The following CELF2 variants were observed in gnomAD, a reference collection of about 807,000 sequenced individuals.
CELF2 encodes the protein CUGBP Elav-like family member 2, also known as CUG triplet repeat RNA-binding protein 2.
Under a neutral mutation model 62.6 loss-of-function variants are expected in CELF2, and 8 were observed. The ratio of observed to expected loss-of-function variants is 0.13; its 90% confidence interval spans 0.07 to 0.23. The LOEUF (loss-of-function observed/expected upper bound fraction) is 0.23. Among genes scored for constraint, CELF2 ranks in the 10% least tolerant of loss-of-function variants. The pLI, the probability that CELF2 is intolerant of heterozygous loss-of-function variation, is 1.00. For synonymous variants in CELF2, 258 were observed against 250.0 expected (o/e 1.03, Z -0.30); for missense variants, 333 against 671.0 (o/e 0.50, Z 5.56).
the CELF2 span, among the ~76,000 whole-genome samples, chr10:10,657,063 A>T: frequency 6.6e-6 from 1 of 152,186 alleles, no homozygotes; most frequent in African/African-American, 2.4e-5. Context: ...TTGTATATTC[A>T]TATGGCAGAA....
At chr10:10,611,187 C>G in the CELF2 span, among the ~76,000 whole-genome samples, 1 of 152,072 alleles carries the variant, frequency 6.6e-6, no homozygotes, top group African/African-American at 2.4e-5. Context: ...GCGGCCAGAA[C>G]CAAGCTGGCA....
At position 11,165,281 on chromosome 10, in the gene CELF2, C is replaced by T; in HGVS notation, c.75-205C>T. The T allele has an allele frequency of 7.2e-7, 1 of 1,393,702 alleles. No homozygotes were observed. Among genetic ancestry groups the T allele is most frequent in the Non-Finnish European group, 9.3e-7 (1 of 1,074,848 alleles). 86.3% of individuals were successfully genotyped at this position (1,393,702 alleles called of 1,614,324 possible). ...CCCGGCTCTGCTCGACAGCAGCACG[C>T]AGTGAGAGCCTCGCCGCCGCCGAGG... On this transcript the variant is annotated intron_variant, in intron 1 of 12. Transcript: ENST00000633077. This position sits in a 1 kb window ranked among gnomAD's most constrained non-coding sequence, Gnocchi z 7.4.
At chr10:10,557,550 G>GT in the CELF2 span, among the ~76,000 whole-genome samples, 5 of 150,364 alleles carry the variant, frequency 3.3e-5, no homozygotes, top group African/African-American at 1.2e-4. Context: ...CTTTAAAATA[G>GT]TTTTTTCCAA....
intron 1 of CELF2, among the ~76,000 whole-genome samples, chr10:10,802,281 C>T (rs1473235979): frequency 6.6e-6 from 1 of 152,038 alleles, no homozygotes; most frequent in African/African-American, 2.4e-5. Flanking sequence ...ACCATCCGGG[C>T]CGACATGGTG....
intron 1 of CELF2, among the ~76,000 whole-genome samples, chr10:10,853,328 G>A (rs552127610): frequency 2.0e-5 from 3 of 152,204 alleles, no homozygotes; most frequent in South Asian, 2.1e-4. Flanking sequence ...CTTGGTTGCT[G>A]TAATAACTGG....
At chr10:10,651,584 C>T in the CELF2 span, among the ~76,000 whole-genome samples, 2 of 141,646 alleles carry the variant, frequency 1.4e-5, no homozygotes, top group Admixed American at 7.0e-5. Context: ...AGCAGCCTAA[C>T]TGGGAGGCAC....
chr10:11,306,888 A>C lies in CELF2; in HGVS notation c.977-7251A>C, dbSNP rs1366051038. 2.0e-5 allele frequency among the ~76,000 whole-genome samples: 3 copies of C among 152,198 alleles called. No homozygotes were observed. Among genetic ancestry groups the C allele is most frequent in the African/African-American group, 7.2e-5 (3 of 41,448 alleles). ...CAGGGTGTAAAGAGACCTAATTTGC[A>C]TATTGATTCATTGTCATCAATAACA... On this transcript the variant is annotated intron_variant, in intron 9 of 12. Coordinates refer to ENST00000633077, the MANE Select transcript of CELF2 (RefSeq NM_001326342.2). The surrounding 1 kb of genome is among the most constrained non-coding windows in gnomAD (Gnocchi z 4.4).
chr10:10,728,223 G>A, the CELF2 span, among the ~76,000 whole-genome samples: 3 of 151,310 alleles, frequency 2.0e-5, no homozygotes, highest in East Asian at 1.9e-4. Flanking sequence ...GGTGGATCAC[G>A]AGGTCAGGAG....
rs1041249700 is a variant in CELF2 at position 10,993,904 on chromosome 10, GA to G, written c.89+73913del. 6.6e-6 allele frequency among the ~76,000 whole-genome samples: 1 copy of G among 151,894 alleles called. No individual in the cohort carries two copies. Among genetic ancestry groups the G allele is most frequent in the African/African-American group, 2.4e-5 (1 of 41,340 alleles). ...TCCAGTAGGACTAGTATCCTTATCA[GA>G]AAAAAAAGACACTAGAGATGTGCAG... On this transcript the variant is annotated intron_variant, in intron 2 of 13. Transcript: ENST00000636488. The surrounding 1 kb of genome is among the most constrained non-coding windows in gnomAD (Gnocchi z 5.3).
rs1024163413 is a variant in CELF2, at chr10:11,098,018, C to T, written c.75-67468C>T. ...CAAAGCCACACTAACAGTGAGCACT[C>T]ACCACAGGCTGTGAGGCCTCATCAC... On this transcript the variant is annotated intron_variant, in intron 1 of 12. Coordinates refer to ENST00000633077, the MANE Select transcript of CELF2 (RefSeq NM_001326342.2). The surrounding 1 kb of genome is among the most constrained non-coding windows in gnomAD (Gnocchi z 4.0). 3 of 152,316 alleles carry T rather than the reference C, an allele frequency of 2.0e-5. No individual in the cohort carries two copies. Among genetic ancestry groups the T allele is most frequent in the African/African-American group, 7.2e-5 (3 of 41,456 alleles). 9.4% of individuals were successfully genotyped at this position (152,316 alleles called of 1,614,324 possible).
intron 1 of CELF2, among the ~76,000 whole-genome samples, chr10:11,146,635 C>A (rs1050799747): frequency 6.6e-6 from 1 of 152,210 alleles, no homozygotes; most frequent in Non-Finnish European, 1.5e-5. Context: ...AATGGCCACA[C>A]GCTCATGTGC....
At chr10:11,069,503 G>A (rs890167767) in intron 1 of CELF2, among the ~76,000 whole-genome samples, 1 of 152,206 alleles carries the variant, frequency 6.6e-6, no homozygotes, top group Non-Finnish European at 1.5e-5. Flanking sequence ...ATTCAGTAGG[G>A]AGTACTTCAT....
At chr10:11,179,107 C>T (rs1318427834) in intron 2 of CELF2, among the ~76,000 whole-genome samples, 1 of 152,224 alleles carries the variant, frequency 6.6e-6, no homozygotes, top group Non-Finnish European at 1.5e-5. Context: ...AAATCCAACA[C>T]ATCCTTCGGA....
chr10:11,225,407 C>G (rs984806614), intron 3 of CELF2, among the ~76,000 whole-genome samples: 23 of 152,230 alleles, frequency 1.5e-4, no homozygotes, highest in Admixed American at 1.3e-3. Flanking sequence ...CCTTTCCAAT[C>G]TTGCAAAACT....
chr10:11,305,037 G>A lies in CELF2; in HGVS notation c.977-9102G>A, dbSNP rs956299194. Among the ~76,000 whole-genome samples, 9 of 139,432 alleles carry A rather than the reference G, an allele frequency of 6.5e-5. No individual in the cohort carries two copies. The highest frequency in any genetic ancestry group is 2.3e-4 in the East Asian group (1 of 4,292). 91.5% of individuals were successfully genotyped at this position (139,432 alleles called of 152,430 possible). On this transcript the variant is annotated intron_variant, in intron 9 of 12. Transcript: ENST00000633077. This position sits in a 1 kb window ranked among gnomAD's most constrained non-coding sequence, Gnocchi z 4.8. Reference sequence around the variant, plus strand: ...GGAATGCCTTTGTCAAACACGCATCGGCATCTTCTGGTTCAACTCGGTGCC... The same window carrying A: ...GGAATGCCTTTGTCAAACACGCATCAGCATCTTCTGGTTCAACTCGGTGCC...
chr10:11,035,480 C>G (rs1451443128), intron 1 of CELF2, among the ~76,000 whole-genome samples: 1 of 152,158 alleles, frequency 6.6e-6, no homozygotes, highest in Non-Finnish European at 1.5e-5. Flanking sequence ...ATGACTCAGC[C>G]AAAGCGTGAC....
the CELF2 span, among the ~76,000 whole-genome samples, chr10:10,518,975 A>G: frequency 6.6e-6 from 1 of 152,224 alleles, no homozygotes; most frequent in Non-Finnish European, 1.5e-5. Context: ...GGGAATGAAT[A>G]AGAGCCAAGT....
intron 1 of CELF2, among the ~76,000 whole-genome samples, chr10:10,861,454 T>C (rs1322400001): frequency 1.3e-5 from 2 of 152,230 alleles, no homozygotes; most frequent in African/African-American, 4.8e-5. Context: ...ACTCATAGTA[T>C]GGAGGCAGCC....
At chr10:10,956,180 A>T (rs1487595582) in intron 2 of CELF2, among the ~76,000 whole-genome samples, 1 of 152,178 alleles carries the variant, frequency 6.6e-6, no homozygotes, top group Admixed American at 6.5e-5. Flanking sequence ...AGCTTACTGA[A>T]TGTCGATACT....
Sources: allele counts gnomAD v4.1 joint callset (sites outside exome capture counted in the v4.1 genomes callset), GRCh38; gene constraint gnomAD v4.1.1; non-coding constraint Gnocchi (gnomAD v3.1); transcripts MANE v1.5; gene names NCBI Gene and HGNC (gene_info 2026-07-23, HGNC 2026-07-21).